Variants in KCNT1 observed in about 807,000 individuals in gnomAD.
The protein encoded by KCNT1 is potassium channel subfamily T member 1.
Under a neutral mutation model 147.8 loss-of-function variants are expected in KCNT1, and 78 were observed. The observed-to-expected ratio is 0.53, with a 90% CI of 0.44 to 0.64. KCNT1 has a LOEUF of 0.64. Ranked by LOEUF, KCNT1 falls within the 30% of genes least tolerant of loss-of-function variation. KCNT1 has a pLI of 0.00. For missense variants in KCNT1, 1,419 were observed against 1,750.3 expected (o/e 0.81, Z 3.38); for synonymous variants, 867 against 748.8 (o/e 1.16, Z -2.58).
Position 135,794,206 on chromosome 9 carries a change from C to CTT in KCNT1, c.*2046_*2047dup, listed in dbSNP as rs1253427166. 6.6e-6 allele frequency: 1 copy of CTT among 152,348 alleles called. No individual in the cohort carries two copies. The highest frequency in any genetic ancestry group is 2.4e-5 in the African/African-American group (1 of 41,466). The allele number at this position is 152,348 out of a possible 1,614,324, so 9.4% of individuals were successfully genotyped here. On this transcript the variant is annotated 3_prime_UTR_variant, in exon 31 of 31. Coordinates refer to ENST00000371757, the MANE Select transcript of KCNT1 (RefSeq NM_020822.3). ...GAGGCACCATGGGGGAGTCGCATGA[C>CTT]TTATTCGGGATTGACTTGCGATGTG...
intron 1 of KCNT1, among the ~76,000 whole-genome samples, chr9:135,704,355 A>ACC (rs1835163732): frequency 6.6e-6 from 1 of 152,196 alleles, no homozygotes; most frequent in Non-Finnish European, 1.5e-5. Flanking sequence ...TCAAACCCCC[A>ACC]GCTCCACGCT....
In KCNT1 at chr9:135,779,453, C is replaced by G. The variant is rs1833442352; in HGVS notation, c.2824C>G (p.Leu942Val). 1.2e-6 allele frequency: 2 copies of G among 1,612,926 alleles called. No homozygotes were observed. Among genetic ancestry groups the G allele is most frequent in the Non-Finnish European group, 1.7e-6 (2 of 1,179,090 alleles). Residue 942 changes from leucine (L) to valine (V), a missense_variant, in exon 24 of 31, where the codon CTT becomes GTT. Leu to Val is a conservative substitution (Grantham distance 32, BLOSUM62 1). Transcript: ENST00000371757. ...CGCCAAGGACAGCTACTCTCTGGCT[C>G]TTTCCAAACTAGAAAAGGTGAGCAG... ...FRAKDSYSLA[L>V]SKLEKREREN...
rs556435781 is a variant in KCNT1 at position 135,703,484 on chromosome 9, C to T, written c.110+1116C>T. 1.4e-4 allele frequency among the ~76,000 whole-genome samples: 22 copies of T among 152,366 alleles called. No individual in the cohort carries two copies. In the East Asian group the frequency reaches 4.1e-3, roughly 28 times the overall value. Reference sequence around the variant, plus strand: ...AGAGGCAGGCACAGCACCCACCTGGCACCCGGGGGAGTCCGGGGTACAGCG... The same window carrying T: ...AGAGGCAGGCACAGCACCCACCTGGTACCCGGGGGAGTCCGGGGTACAGCG... On this transcript the variant is annotated intron_variant, in intron 1 of 30. Coordinates refer to ENST00000371757, the MANE Select transcript of KCNT1 (RefSeq NM_020822.3).
At position 135,772,745 on chromosome 9, in the gene KCNT1, A is replaced by G. The variant is rs1207174167; in HGVS notation, c.2039A>G (p.Glu680Gly). 21 of 1,436,232 alleles carry G rather than the reference A, an allele frequency of 1.5e-5. 1 individual carries two copies. In the South Asian group the frequency reaches 2.7e-4, roughly 19 times the overall value. The allele number at this position is 1,436,232 out of a possible 1,614,324, so 89.0% of individuals were successfully genotyped here. ...GTGGCCATGGACCTGCAGGGCACAGAGCACCGGCCTACGCAGAGCGGCGGT... is the reference window on the plus strand; with the variant it reads ...GTGGCCATGGACCTGCAGGGCACAGGGCACCGGCCTACGCAGAGCGGCGGT... ...GTVAMDLQGT[E>G]HRPTQSGGGG... Residue 680 changes from glutamate (E) to glycine (G), a missense_variant, in exon 19 of 31, where the codon GAG (glutamate) becomes GGG (glycine). Transcript: ENST00000371757.
chr9:135,704,085 G>A (rs1835149227), intron 1 of KCNT1, among the ~76,000 whole-genome samples: 1 of 152,248 alleles, frequency 6.6e-6, no homozygotes, highest in Admixed American at 6.5e-5. Context: ...GGTGGCTTCA[G>A]CTGCAGAAAG....
Position 135,793,474 on chromosome 9 carries a change from G to A in KCNT1, c.*1313G>A, listed in dbSNP as rs905310619. ...AGAGACCCCAGGCTCTGCCCGCAGT[G>A]GCACAGAACTCATCTGAGGCCAGTG... On this transcript the variant is annotated 3_prime_UTR_variant, in exon 31 of 31. Transcript: ENST00000371757. The A allele has an allele frequency of 6.6e-6, 1 of 152,262 alleles. No individual in the cohort carries two copies. Among genetic ancestry groups the A allele is most frequent in the East Asian group, 1.9e-4 (1 of 5,182 alleles). 9.4% of individuals were successfully genotyped at this position (152,262 alleles called of 1,614,324 possible). A position where few individuals can be genotyped will look rare whatever the true frequency, so the allele number is the denominator to read the frequency against.
chr9:135,736,858 G>A (rs1830362494), intron 2 of KCNT1: 1 of 300,724 alleles, frequency 3.3e-6, no homozygotes, highest in Non-Finnish European at 6.2e-6. Flanking sequence ...GCGCTGGCTG[G>A]GCTGCACCTG....
chr9:135,784,992 G>C (rs1833930620), intron 27 of KCNT1, 103 bp downstream of exon 27: 2 of 1,496,666 alleles, frequency 1.3e-6, no homozygotes, highest in Non-Finnish European at 1.8e-6. Context: ...CCCCTGTCCT[G>C]TGTGACCCAC....
At chr9:135,788,257 T>C (rs1279563053) in intron 29 of KCNT1, 2 of 1,075,640 alleles carry the variant, frequency 1.9e-6, no homozygotes, top group East Asian at 2.4e-5. Flanking sequence ...GCCAGGCAGG[T>C]GGACAGGAGC....
intron 9 of KCNT1, 104 bp downstream of exon 9, chr9:135,757,485 G>C: frequency 9.6e-7 from 1 of 1,036,982 alleles, no homozygotes; most frequent in Non-Finnish European, 1.5e-6. Context: ...CCCGGCCCTG[G>C]CATGACCTGT....
intron 13 of KCNT1, among the ~76,000 whole-genome samples, chr9:135,767,213 CTT>C (rs1364480213): frequency 6.6e-6 from 1 of 152,168 alleles, no homozygotes; most frequent in Non-Finnish European, 1.5e-5. Flanking sequence ...AACGCCACCT[CTT>C]TTGTGGTCCC....
chr9:135,747,884 G>A (rs1221155647), intron 2 of KCNT1, among the ~76,000 whole-genome samples: 1 of 152,172 alleles, frequency 6.6e-6, no homozygotes, highest in African/African-American at 2.4e-5. Context: ...ATGGGGCAAG[G>A]GCACCCAGAG....
intron 13 of KCNT1, among the ~76,000 whole-genome samples, chr9:135,767,560 C>T (rs978013737): frequency 2.0e-5 from 3 of 152,026 alleles, no homozygotes; most frequent in Non-Finnish European, 4.4e-5. Flanking sequence ...CCCAGATTCC[C>T]CCCTCCCTCC....
At chr9:135,735,861 C>T (rs536029664) in intron 2 of KCNT1, among the ~76,000 whole-genome samples, 5 of 152,326 alleles carry the variant, frequency 3.3e-5, no homozygotes, top group South Asian at 2.1e-4. Flanking sequence ...CTGGGCCTCC[C>T]GGTGCCAATA....
In KCNT1 at chr9:135,786,403, G is replaced by A. The variant is rs760868141; in HGVS notation, c.3384G>A (p.Ala1128=). The change falls in exon 29 of 31, where the codon GCG becomes GCA. Residue 1128 remains alanine, a synonymous_variant. Transcript: ENST00000371757. ...CGCCCAAGCAGGCAGGCCGGGCGGCGGCCGCGGAGTGGATCAGCCAGCAGC... is the reference window on the plus strand; with the variant it reads ...CGCCCAAGCAGGCAGGCCGGGCGGCAGCCGCGGAGTGGATCAGCCAGCAGC... ...RKAPKQAGRA[A]AAEWISQQRL... The A allele has an allele frequency of 2.8e-5, 44 of 1,575,008 alleles. No individual in the cohort carries two copies. Among genetic ancestry groups the A allele is most frequent in the South Asian group, 4.6e-5 (4 of 87,222 alleles).
chr9:135,717,297 C>T (rs1313627238), intron 2 of KCNT1, among the ~76,000 whole-genome samples: 1 of 151,376 alleles, frequency 6.6e-6, no homozygotes, highest in Non-Finnish European at 1.5e-5. Context: ...GGGAAGGGGA[C>T]CTGGCTCCTG....
At chr9:135,774,294 G>GGT (rs1006109044) in intron 19 of KCNT1, among the ~76,000 whole-genome samples, 4 of 147,494 alleles carry the variant, frequency 2.7e-5, no homozygotes, top group African/African-American at 5.0e-5. Flanking sequence ...TGTTGTGTGT[G>GGT]GTGTGTGTGT....
At position 135,751,024 on chromosome 9, in the gene KCNT1, G is replaced by A. The variant is rs542441332; in HGVS notation, c.417G>A (p.Pro139=). 3 of 1,611,602 alleles carry A rather than the reference G, an allele frequency of 1.9e-6. No homozygotes were observed. Among genetic ancestry groups the A allele is most frequent in the African/African-American group, 1.3e-5 (1 of 75,044 alleles). Residue 139 remains proline, a synonymous_variant, in exon 4 of 31, where the codon CCG becomes CCA. Transcript: ENST00000371757. The stretch of plus-strand genomic sequence containing the variant: ...TTGTGCGCGTCCTGCTCGATGACCC[G>A]GCCCTGGGCATCGGATGGTGGGCCA... ...LYIVRVLLDD[P]ALGIGCWGCP...
At chr9:135,759,890 C>T (rs901089711) in intron 11 of KCNT1, 31 bp downstream of exon 11, 17 of 1,565,362 alleles carry the variant, frequency 1.1e-5, no homozygotes, top group African/African-American at 9.5e-5. Flanking sequence ...CCCTGGGTGG[C>T]ACCAGCAAAG....
Sources: gnomAD v4.1 joint callset for allele counts (sites outside exome capture counted in the v4.1 genomes callset) on GRCh38, gnomAD v4.1.1 for gene constraint, MANE v1.5 for transcripts, NCBI Gene and HGNC (gene_info 2026-07-23, HGNC 2026-07-21) for gene names.